Variants in KCNMA1 observed in about 807,000 individuals in gnomAD.
KCNMA1 encodes the protein Calcium-activated potassium channel subunit alpha-1.
A neutral mutation model predicts 140.0 loss-of-function variants in KCNMA1; 29 were observed. The ratio of observed to expected loss-of-function variants is 0.21; its 90% CI spans 0.15 to 0.28. The LOEUF (loss-of-function observed/expected upper bound fraction) is 0.28, where lower values mean the gene tolerates loss of function less well. Ranked by LOEUF, KCNMA1 falls within the 10% of genes least tolerant of loss-of-function variation. The probability of loss-of-function intolerance (pLI) is 1.00; values close to 1 mark genes in which losing one functional copy is unlikely to be tolerated. For synonymous variants in KCNMA1, 612 were observed against 611.9 expected, an observed-to-expected ratio of 1.00 and a Z score of 0.00; for missense variants, 880 against 1,602.2, an observed-to-expected ratio of 0.55 and a Z score of 7.70.
chr10:77,602,462 A>G (rs769715818), intron 1 of KCNMA1, among the ~76,000 whole-genome samples: 26 of 152,240 alleles, frequency 1.7e-4, no homozygotes, highest in Non-Finnish European at 3.5e-4. Flanking sequence ...GGTTGATGAA[A>G]ATGTTCTGGA....
chr10:77,031,266 G>A (rs11001978), intron 15 of KCNMA1, among the ~76,000 whole-genome samples: 12,774 of 152,254 alleles, frequency 0.084, 680 homozygotes, highest in Non-Finnish European at 0.12. Context: ...AATTCACATA[G>A]AAACTGGCTT....
intron 5 of KCNMA1, among the ~76,000 whole-genome samples, chr10:77,156,732 T>G (rs1023011390): frequency 2.6e-5 from 4 of 152,326 alleles, no homozygotes; most frequent in Middle Eastern, 3.4e-3. Context: ...ACTGTAGAAC[T>G]GAAGACTGGC....
At chr10:77,134,997 CAAAAAAAAA>C (rs71028253) in intron 5 of KCNMA1, among the ~76,000 whole-genome samples, 555 of 11,730 alleles carry the variant, frequency 0.047, 6 homozygotes, top group East Asian at 0.3. Context: ...GACTCTGTCT[CAAAAAAAAA>C]AAAAAAAAAA....
chr10:77,092,843 C>T (rs1340554376), intron 9 of KCNMA1, among the ~76,000 whole-genome samples: 1 of 152,208 alleles, frequency 6.6e-6, no homozygotes, highest in Non-Finnish European at 1.5e-5. Flanking sequence ...ATCTCCTCCT[C>T]CTCTCTGAAA....
At position 77,431,704 on chromosome 10, in the gene KCNMA1, AAAAAAAAAAAAG is replaced by A. The variant is rs1256379812; in HGVS notation, c.379-27693_379-27682del. 2.1e-3 allele frequency among the ~76,000 whole-genome samples: 254 copies of A among 120,868 alleles called. 1 individual carries two copies. Among genetic ancestry groups the A allele is most frequent in the African/African-American group, 6.0e-3 (199 of 33,128 alleles). The allele number at this position is 120,868 out of a possible 152,430, so 79.3% of individuals were successfully genotyped here. A position where few individuals can be genotyped will look rare whatever the true frequency, so the allele number is the denominator to read the frequency against. On this transcript the variant is annotated intron_variant, in intron 1 of 27. Transcript: ENST00000286628. ...TGTAAAAAAAAAAAAAAAAAAAAAA[AAAAAAAAAAAAG>A]GCCGGGAGCGGTGGCTCACGCCTGT...
intron 2 of KCNMA1, among the ~76,000 whole-genome samples, chr10:77,323,726 C>G (rs993709679): frequency 6.6e-6 from 1 of 152,232 alleles, no homozygotes; most frequent in Non-Finnish European, 1.5e-5. Flanking sequence ...TTTTCTACTT[C>G]TCTCTCCTGC....
At chr10:77,184,424 T>C (rs923076967) in intron 4 of KCNMA1, among the ~76,000 whole-genome samples, 1 of 152,176 alleles carries the variant, frequency 6.6e-6, no homozygotes, top group African/African-American at 2.4e-5. Context: ...TTCACCAGGT[T>C]GGTCAGGCTG....
intron 19 of KCNMA1, among the ~76,000 whole-genome samples, chr10:76,988,400 C>T (rs568687057): frequency 6.2e-4 from 94 of 152,182 alleles, no homozygotes; most frequent in African/African-American, 2.2e-3. Flanking sequence ...TGGTGGTGCA[C>T]GCCTGTAGTC....
At chr10:76,892,345 A>G (rs141350403) in intron 25 of KCNMA1, among the ~76,000 whole-genome samples, 2 of 152,338 alleles carry the variant, frequency 1.3e-5, no homozygotes, top group African/African-American at 4.8e-5. Flanking sequence ...TCTGAGGCAA[A>G]TATCACTTAT....
At chr10:77,586,518 A>C (rs1330282046) in intron 1 of KCNMA1, 3 of 152,256 alleles carry the variant, frequency 2.0e-5, no homozygotes, top group Non-Finnish European at 4.4e-5. Flanking sequence ...TTGAGCCCTC[A>C]TTAGTAGACA....
At chr10:77,156,899 TCAA>T (rs1204779915) in intron 5 of KCNMA1, among the ~76,000 whole-genome samples, 7 of 152,070 alleles carry the variant, frequency 4.6e-5, no homozygotes, top group African/African-American at 1.7e-4. Context: ...CCCCAAGCAA[TCAA>T]CATTCCCTGT....
At chr10:77,604,949 A>G (rs1603638280) in intron 1 of KCNMA1, among the ~76,000 whole-genome samples, 1 of 151,380 alleles carries the variant, frequency 6.6e-6, no homozygotes, top group Admixed American at 6.6e-5. Flanking sequence ...GCCCATAAAG[A>G]CTCTGGAACA....
At chr10:77,374,221 A>C (rs552848051) in intron 2 of KCNMA1, among the ~76,000 whole-genome samples, 10 of 152,312 alleles carry the variant, frequency 6.6e-5, no homozygotes, top group Non-Finnish European at 1.0e-4. Flanking sequence ...GGAGAGCTGC[A>C]AACAACCATG....
intron 1 of KCNMA1, among the ~76,000 whole-genome samples, chr10:77,559,917 C>A (rs1291494057): frequency 1.3e-5 from 2 of 152,070 alleles, no homozygotes; most frequent in East Asian, 3.9e-4. Flanking sequence ...GTGGCTCACA[C>A]CTATAATCCC....
chr10:77,619,305 T>C (rs2154569322), intron 1 of KCNMA1, among the ~76,000 whole-genome samples: 1 of 94,258 alleles, frequency 1.1e-5, no homozygotes, highest in East Asian at 2.8e-4. Context: ...AGTGTCTCTC[T>C]GTCTGTCTGT....
chr10:77,469,964 T>A (rs987621739), intron 1 of KCNMA1, among the ~76,000 whole-genome samples: 1 of 152,200 alleles, frequency 6.6e-6, no homozygotes, highest in Non-Finnish European at 1.5e-5. Flanking sequence ...ACAGATTTTT[T>A]TTTTTAACTT....
intron 1 of KCNMA1, among the ~76,000 whole-genome samples, chr10:77,483,120 A>G (rs563032070): frequency 1.3e-5 from 2 of 151,992 alleles, no homozygotes; most frequent in East Asian, 1.9e-4. Flanking sequence ...CATCCAACCA[A>G]TTAATTTGTT....
chr10:77,628,120 T>G (rs1188423036), intron 1 of KCNMA1, among the ~76,000 whole-genome samples: 1 of 139,624 alleles, frequency 7.2e-6, no homozygotes, highest in African/African-American at 2.7e-5. Context: ...ATAAAATAAA[T>G]ACTCATCTTA....
chr10:77,407,232 G>T (rs117307233), intron 1 of KCNMA1, among the ~76,000 whole-genome samples: 2 of 152,210 alleles, frequency 1.3e-5, no homozygotes, highest in East Asian at 3.9e-4. Flanking sequence ...GATGCCAGCC[G>T]GCCAGACTAG....
Sources: gnomAD v4.1 joint callset for allele counts (sites outside exome capture counted in the v4.1 genomes callset) on GRCh38, gnomAD v4.1.1 for gene constraint, MANE v1.5 for transcripts, NCBI Gene and HGNC (gene_info 2026-07-23, HGNC 2026-07-21) for gene names.